The following CLCN3 variants were observed in gnomAD, a reference collection of about 807,000 sequenced individuals.
The protein encoded by CLCN3 is Cl-/H+ antiporter 3.
A neutral mutation model predicts 83.4 loss-of-function variants in CLCN3; 16 were observed. The ratio of observed to expected loss-of-function variants is 0.19; its 90% confidence interval spans 0.13 to 0.29. CLCN3 has a LOEUF of 0.29. Ranked by LOEUF, CLCN3 falls within the 10% of genes least tolerant of loss-of-function variation. CLCN3 has a pLI of 1.00. For missense variants in CLCN3, 544 were observed against 1,006.0 expected (o/e 0.54, Z 6.21); for synonymous variants, 322 against 346.2 (o/e 0.93, Z 0.78).
intron 12 of CLCN3, among the ~76,000 whole-genome samples, chr4:169,715,268 G>A (rs62346187): frequency 3.3e-5 from 5 of 152,014 alleles, no homozygotes; most frequent in Admixed American, 6.6e-5. Context: ...TGTATAGAGC[G>A]AGGGGTGGAT....
intron 2 of CLCN3, among the ~76,000 whole-genome samples, chr4:169,665,743 G>T (rs1288851054): frequency 1.3e-5 from 2 of 152,142 alleles, no homozygotes; most frequent in Non-Finnish European, 2.9e-5. Flanking sequence ...TTTTATGTGT[G>T]TCTTATGTAA....
chr4:169,631,350 A>G (rs1773364322), intron 1 of CLCN3, among the ~76,000 whole-genome samples: 2 of 152,060 alleles, frequency 1.3e-5, no homozygotes, highest in South Asian at 2.1e-4. Flanking sequence ...GCAGTGGCGC[A>G]ATCTCGGCTC....
chr4:169,690,137 C>CTTTTTTTTTTTTT (rs397769904), intron 5 of CLCN3, among the ~76,000 whole-genome samples: 1 of 110,464 alleles, frequency 9.1e-6, no homozygotes, highest in Non-Finnish European at 1.7e-5. Flanking sequence ...TCTTTTCTTT[C>CTTTTTTTTTTTTT]TTTTTTTTTT....
intron 5 of CLCN3, among the ~76,000 whole-genome samples, chr4:169,689,824 G>A (rs1438473801): frequency 6.6e-6 from 1 of 152,142 alleles, no homozygotes; most frequent in Non-Finnish European, 1.5e-5. Flanking sequence ...GTAGTATGCT[G>A]TTTCTCACCT....
chr4:169,698,418 T>C (rs921585198), intron 9 of CLCN3, among the ~76,000 whole-genome samples: 1 of 152,164 alleles, frequency 6.6e-6, no homozygotes, highest in African/African-American at 2.4e-5. Context: ...TCTCTTTCTC[T>C]CGCTTCCTTT....
rs1348953542 is a variant in CLCN3 at position 169,660,483 on chromosome 4, G to A, written c.161-19567G>A. On this transcript the variant is annotated intron_variant, in intron 2 of 12. Transcript: ENST00000513761. ...TCCCCTTGCTGTGAATTCTCTGTTGGTATGTTTTGCATGCGGCTGGGCGGT... is the reference window on the plus strand; with the variant it reads ...TCCCCTTGCTGTGAATTCTCTGTTGATATGTTTTGCATGCGGCTGGGCGGT... 3.1e-6 allele frequency: 4 copies of A among 1,289,288 alleles called. No individual in the cohort carries two copies. The East Asian group carries it at 1.2e-4, about 39-fold the overall frequency. The allele number at this position is 1,289,288 out of a possible 1,614,324, so 79.9% of individuals were successfully genotyped here.
At chr4:169,655,528 T>C (rs1166783656) in intron 2 of CLCN3, among the ~76,000 whole-genome samples, 1 of 152,232 alleles carries the variant, frequency 6.6e-6, no homozygotes, top group African/African-American at 2.4e-5. Flanking sequence ...GGGGTCTTGC[T>C]CTATTGCCCA....
chr4:169,636,022 G>T lies in CLCN3; in HGVS notation c.94G>T (p.Ala32Ser), dbSNP rs780368756. ...TAGTGATGAGGAACTTTTAGATGGA[G>T]CAGGTGTTATTATGGACTTTCAAAC... is the stretch of plus-strand genomic sequence containing the variant. Reference protein sequence around the residue: ...ASSDEELLDGAGVIMDFQTSE... With the variant: ...ASSDEELLDGSGVIMDFQTSE... Residue 32 changes from alanine to serine, a missense_variant, in exon 2 of 13, where the codon GCA (alanine) becomes TCA (serine). Ala to Ser is a moderately conservative substitution (Grantham distance 99, BLOSUM62 1). Transcript: ENST00000513761. 1 of 1,613,254 alleles carries T rather than the reference G, an allele frequency of 6.2e-7. No individual in the cohort carries two copies. The highest frequency in any genetic ancestry group is 1.7e-5 in the Admixed American group (1 of 59,966).
chr4:169,716,063 A>T (rs1332730054), intron 12 of CLCN3, among the ~76,000 whole-genome samples: 1 of 152,172 alleles, frequency 6.6e-6, no homozygotes, highest in Admixed American at 6.5e-5. Flanking sequence ...TGCTTTGGAA[A>T]TGCTGGGTTA....
At chr4:169,667,819 C>T (rs1215447378) in intron 2 of CLCN3, among the ~76,000 whole-genome samples, 3 of 151,120 alleles carry the variant, frequency 2.0e-5, no homozygotes, top group Non-Finnish European at 4.4e-5. Flanking sequence ...AACCTCCACT[C>T]ACTGCAACCT....
At chr4:169,687,430 A>T (rs547198307) in intron 3 of CLCN3, among the ~76,000 whole-genome samples, 7 of 152,314 alleles carry the variant, frequency 4.6e-5, no homozygotes, top group African/African-American at 1.7e-4. Flanking sequence ...AAGAAAAAAA[A>T]TTTTTTAATA....
At chr4:169,621,688 A>G (rs921848412) in intron 1 of CLCN3, among the ~76,000 whole-genome samples, 1 of 152,246 alleles carries the variant, frequency 6.6e-6, no homozygotes, top group Non-Finnish European at 1.5e-5. Flanking sequence ...AGTTCTACAA[A>G]CGTAAACTTT....
chr4:169,719,927 C>T lies in CLCN3; in HGVS notation c.2387C>T (p.Thr796Ile). The part of the protein sequence containing the change: ...THNGRLLGII[T>I]KKDILRHMAQ... Reference sequence around the variant, plus strand: ...TTCAGGCGCCTCCTTGGCATTATAACAAAAAAAGATATCCTCCGGCATATG... The same window carrying T: ...TTCAGGCGCCTCCTTGGCATTATAATAAAAAAAGATATCCTCCGGCATATG... The change falls in exon 13 of 13, where the codon ACA becomes ATA. Residue 796 changes from threonine (T) to isoleucine (I), a missense_variant. Physicochemically the swap from Thr to Ile is moderately conservative, Grantham distance 89. This residue lies in a region of CLCN3 where 142 missense variants were observed against 225.0 expected (regional missense o/e 0.63). Coordinates refer to ENST00000513761, the MANE Select transcript of CLCN3 (RefSeq NM_001829.4). 6.2e-7 allele frequency: 1 copy of T among 1,611,908 alleles called. No individual in the cohort carries two copies. Among genetic ancestry groups the T allele is most frequent in the Non-Finnish European group, 8.5e-7 (1 of 1,179,438 alleles).
chr4:169,648,332 T>C (rs540489993), intron 2 of CLCN3, among the ~76,000 whole-genome samples: 1 of 152,352 alleles, frequency 6.6e-6, no homozygotes, highest in African/African-American at 2.4e-5. Context: ...GTACTATCAT[T>C]GCAACTTTCA....
chr4:169,690,715 T>G (rs1461963803), intron 6 of CLCN3, 63 bp downstream of exon 6: 1 of 1,497,936 alleles, frequency 6.7e-7, no homozygotes, highest in African/African-American at 1.4e-5. Flanking sequence ...TTGACCTTAG[T>G]GATAATAAAA....
At position 169,720,296 on chromosome 4, in the gene CLCN3, G is replaced by GTGCA. The variant is rs1733587071; in HGVS notation, c.*300_*303dup. 2.3e-6 allele frequency: 1 copy of GTGCA among 428,004 alleles called. No individual in the cohort carries two copies. The highest frequency in any genetic ancestry group is 4.1e-6 in the Non-Finnish European group (1 of 241,466). 26.5% of individuals were successfully genotyped at this position (428,004 alleles called of 1,614,324 possible). ...CATTCAGCTGAGGATGTGCCTGATA[G>GTGCA]TGCAGGCTTGCGCCTCAACAGAGAT... On this transcript the variant is annotated 3_prime_UTR_variant, in exon 13 of 13. Transcript: ENST00000513761.
At chr4:169,629,364 C>T (rs1386721989) in intron 1 of CLCN3, among the ~76,000 whole-genome samples, 1 of 152,030 alleles carries the variant, frequency 6.6e-6, no homozygotes, top group Non-Finnish European at 1.5e-5. Flanking sequence ...TGAACATCTA[C>T]TGTGACACAT....
chr4:169,693,267 A>G (rs1732440042), intron 7 of CLCN3, among the ~76,000 whole-genome samples: 1 of 152,222 alleles, frequency 6.6e-6, no homozygotes, highest in South Asian at 2.1e-4. Flanking sequence ...TAGATATCCC[A>G]AAAGTGGAAT....
chr4:169,639,382 G>A (rs1228635753), intron 2 of CLCN3, among the ~76,000 whole-genome samples: 1 of 152,176 alleles, frequency 6.6e-6, no homozygotes, highest in Non-Finnish European at 1.5e-5. Flanking sequence ...GTAGTTGAAG[G>A]TATAAGTTGT....
Sources: allele counts gnomAD v4.1 joint callset (sites outside exome capture counted in the v4.1 genomes callset), GRCh38; gene constraint gnomAD v4.1.1; regional missense constraint gnomAD v4.1.1; transcripts MANE v1.5; gene names NCBI Gene and HGNC (gene_info 2026-07-23, HGNC 2026-07-21).